IL10: variants seen among roughly 807,000 people sequenced by gnomAD.
The protein encoded by IL10 is interleukin-10.
A neutral mutation model predicts 21.0 loss-of-function variants in IL10; 7 were observed. That is an observed-to-expected ratio of 0.33 (90% CI 0.19 to 0.63). The LOEUF is 0.63. IL10 is among the 20% of genes least tolerant of loss of function. IL10 has a pLI of 0.77. For synonymous variants in IL10, 83 were observed against 79.7 expected (o/e 1.04, Z -0.22); for missense variants, 161 against 213.0 (o/e 0.76, Z 1.52).
chr1:206,769,240 T>C (rs1272961742), intron 4 of IL10, among the ~76,000 whole-genome samples: 2 of 152,244 alleles, frequency 1.3e-5, no homozygotes, highest in Non-Finnish European at 2.9e-5. Flanking sequence ...GCACGGTTTC[T>C]GGGAAATCAG....
intron 3 of IL10, 126 bp downstream of exon 3, chr1:206,770,781 C>T (rs1179539302): frequency 2.1e-6 from 2 of 972,508 alleles, no homozygotes; most frequent in African/African-American, 1.6e-5. Context: ...GGAGTCTTTC[C>T]TCATTTACAG....
intron 1 of IL10, among the ~76,000 whole-genome samples, 159 bp downstream of exon 1, chr1:206,772,112 C>T (rs1674867718): frequency 6.6e-6 from 1 of 152,232 alleles, no homozygotes; most frequent in African/African-American, 2.4e-5. Context: ...TCACCAAACC[C>T]ATGGCTTGAT....
At chr1:206,768,849 G>C (rs976668241) in intron 4 of IL10, 121 bp from the exon 5 acceptor site, 6 of 711,986 alleles carry the variant, frequency 8.4e-6, no homozygotes, top group Middle Eastern at 2.4e-4. Context: ...TCTCCCTCAC[G>C]CTGGGAAGTA....
At chr1:206,769,636 C>T in intron 4 of IL10, 193 bp downstream of exon 4, 1 of 653,216 alleles carries the variant, frequency 1.5e-6, no homozygotes, top group Non-Finnish European at 2.8e-6. Flanking sequence ...CCCAAAGACA[C>T]TTAACAGAAA....
At chr1:206,771,473 G>T (rs934853384) in intron 1 of IL10, 58 bp from the exon 2 acceptor site, 22 of 1,403,836 alleles carry the variant, frequency 1.6e-5, no homozygotes, top group Admixed American at 3.9e-5. Flanking sequence ...CTGAAATGCG[G>T]TCTTTTTGAT....
chr1:206,768,665 C>T lies in IL10; in HGVS notation c.508G>A (p.Ala170Thr), dbSNP rs1011475317. ...TTTCGTATCTTCATTGTCATGTAGG[C>T]TTCTATGTAGTTGATGAAGATGTCA... is the stretch of plus-strand genomic sequence containing the variant. ...EFDIFINYIE[A>T]YMTMKIRN The change falls in exon 5 of 5, where the codon GCC becomes ACC. Residue 170 changes from alanine (A) to threonine (T), a missense_variant. Transcript: ENST00000423557. 2 of 1,607,408 alleles carry T rather than the reference C, an allele frequency of 1.2e-6. No homozygotes were observed. The highest frequency in any genetic ancestry group is 2.7e-5 in the African/African-American group (2 of 74,734).
intron 2 of IL10, 55 bp from the exon 3 acceptor site, chr1:206,771,114 G>T: frequency 6.3e-7 from 1 of 1,586,974 alleles, no homozygotes; most frequent in Non-Finnish European, 8.6e-7. Context: ...CTGGGAGGAG[G>T]GGCTGCTGCA....
chr1:206,768,752 AC>A, intron 4 of IL10, 24 bp from the exon 5 acceptor site: 1 of 1,470,474 alleles, frequency 6.8e-7, no homozygotes, highest in East Asian at 2.3e-5. Context: ...TAAGAAACAT[AC>A]AGTTAAAATC....
intron 3 of IL10, among the ~76,000 whole-genome samples, chr1:206,770,216 C>T (rs2102438346): frequency 6.6e-6 from 1 of 152,276 alleles, no homozygotes. Flanking sequence ...TCTCCTGTTC[C>T]TCCCCGTCAG....
chr1:206,771,603 C>T (rs1329504618), intron 1 of IL10, among the ~76,000 whole-genome samples, 188 bp from the exon 2 acceptor site: 1 of 152,092 alleles, frequency 6.6e-6, no homozygotes, highest in Admixed American at 6.5e-5. Flanking sequence ...AAATCAGGTC[C>T]TCCTCCTCAG....
intron 4 of IL10, chr1:206,769,515 C>T: frequency 2.1e-6 from 1 of 479,054 alleles, no homozygotes; most frequent in South Asian, 2.2e-5. Context: ...ACTTTCTGTA[C>T]TTTCTGTTTC....
At chr1:206,771,087 G>C (rs946103550) in intron 2 of IL10, 28 bp from the exon 3 acceptor site, 2 of 1,613,442 alleles carry the variant, frequency 1.2e-6, no homozygotes, top group Non-Finnish European at 1.7e-6. Context: ...AGGTGAGTGA[G>C]AGATTGGCGG....
At position 206,770,911 on chromosome 1, in the gene IL10, C is replaced by A. The variant is rs374619208; in HGVS notation, c.374G>T (p.Arg125Leu). The A allele has an allele frequency of 1.9e-6, 3 of 1,614,024 alleles. No homozygotes were observed. The highest frequency in any genetic ancestry group is 2.5e-6 in the Non-Finnish European group (3 of 1,179,910). Residue 125 changes from arginine to leucine, a missense_variant, in exon 3 of 5, where the codon CGC (arginine) becomes CTC (leucine). Transcript: ENST00000423557. ...NLKTLRLRLR[R>L]CHRFLPCENK... ...AAAAACTGATCTGCTACTTACACAG[C>A]GCCGTAGCCTCAGCCTGAGGGTCTT...
intron 2 of IL10, 76 bp downstream of exon 2, chr1:206,771,280 C>T: frequency 7.3e-7 from 1 of 1,369,830 alleles, no homozygotes; most frequent in South Asian, 1.2e-5. Flanking sequence ...AACCCAATTC[C>T]CTGCAATCAG....
In IL10 at chr1:206,767,656, G is replaced by C. The variant is rs919144833; in HGVS notation, c.*980C>G. 2 of 152,322 alleles carry C rather than the reference G, an allele frequency of 1.3e-5. No homozygotes were observed. Among genetic ancestry groups the C allele is most frequent in the African/African-American group, 2.4e-5 (1 of 41,448 alleles). 9.4% of individuals were successfully genotyped at this position (152,322 alleles called of 1,614,324 possible). A position where few individuals can be genotyped will look rare whatever the true frequency, so the allele number is the denominator to read the frequency against. On this transcript the variant is annotated 3_prime_UTR_variant, in exon 5 of 5. Coordinates refer to ENST00000423557, the MANE Select transcript of IL10 (RefSeq NM_000572.3). ...AAAATTAAAATCTGCTATGAAGACA[G>C]ACAAACAATGTAACATTCCCAGAGG...
chr1:206,768,435 G>A lies in IL10; in HGVS notation c.*201C>T, dbSNP rs899281784. On this transcript the variant is annotated 3_prime_UTR_variant, in exon 5 of 5. Transcript: ENST00000423557. ...AATATTGAAAAAAATTATAATATTG[G>A]GCTTCTTTCTAAATCGTTCACAGAG... The A allele has an allele frequency of 2.7e-5, 15 of 556,576 alleles. No homozygotes were observed. Among genetic ancestry groups the A allele is most frequent in the Non-Finnish European group, 4.1e-5 (13 of 314,478 alleles). 34.5% of individuals were successfully genotyped at this position (556,576 alleles called of 1,614,324 possible). A position where few individuals can be genotyped will look rare whatever the true frequency, so the allele number is the denominator to read the frequency against.
intron 4 of IL10, among the ~76,000 whole-genome samples, chr1:206,769,418 G>A (rs1026783381): frequency 6.6e-6 from 1 of 152,246 alleles, no homozygotes; most frequent in Admixed American, 6.5e-5. Context: ...TGGGGAGTCT[G>A]GGCTGAACCC....
At position 206,772,331 on chromosome 1, in the gene IL10, G is replaced by A. The variant is rs1674876548; in HGVS notation, c.105C>T (p.Gly35=). ...GATCTCGAAGCATGTTAGGCAGGTT[G>A]CCTGGGAAGTGGGTGCAGCTGTTCT... ...QSENSCTHFP[G]NLPNMLRDLR... Residue 35 remains glycine, a synonymous_variant, in exon 1 of 5, where the codon GGC becomes GGT. Coordinates refer to ENST00000423557, the MANE Select transcript of IL10 (RefSeq NM_000572.3). 1 of 1,614,218 alleles carries A rather than the reference G, an allele frequency of 6.2e-7. No individual in the cohort carries two copies. Among genetic ancestry groups the A allele is most frequent in the Non-Finnish European group, 8.5e-7 (1 of 1,180,008 alleles).
At chr1:206,769,568 C>T in intron 4 of IL10, 1 of 570,444 alleles carries the variant, frequency 1.8e-6, no homozygotes, top group South Asian at 2.0e-5. Context: ...TGTTCACAGG[C>T]TGGCCGGCCA....
Sources: gnomAD v4.1 joint callset for allele counts (sites outside exome capture counted in the v4.1 genomes callset) on GRCh38, gnomAD v4.1.1 for gene constraint, MANE v1.5 for transcripts, NCBI Gene and HGNC (gene_info 2026-07-23, HGNC 2026-07-21) for gene names.